The following EFCAB5 variants were observed in gnomAD, a reference collection of about 807,000 sequenced individuals.
EFCAB5 encodes the protein EF-hand calcium-binding domain-containing protein 5.
In EFCAB5, 131 loss-of-function variants were observed where a neutral mutation model predicts 167.9. That is an observed-to-expected ratio of 0.78 (90% confidence interval 0.68 to 0.90). EFCAB5 has a LOEUF of 0.90. EFCAB5 is among the 40% of genes least tolerant of loss of function. EFCAB5 has a pLI of 0.00. For synonymous variants in EFCAB5, 574 were observed against 602.8 expected (o/e 0.95, Z 0.70); for missense variants, 1,663 against 1,745.2 (o/e 0.95, Z 0.84).
intron 22 of EFCAB5, among the ~76,000 whole-genome samples, chr17:30,096,758 C>A (rs2071300240): frequency 7.0e-6 from 1 of 142,096 alleles, no homozygotes. Flanking sequence ...CAGCTCACTG[C>A]AACCTCTGAC....
chr17:29,992,698 C>T (rs2068447861), intron 4 of EFCAB5, among the ~76,000 whole-genome samples: 1 of 152,168 alleles, frequency 6.6e-6, no homozygotes, highest in Non-Finnish European at 1.5e-5. Flanking sequence ...TGTTGGAGGA[C>T]ACTTAGGTTG....
intron 3 of EFCAB5, among the ~76,000 whole-genome samples, chr17:29,947,689 C>G (rs551477962): frequency 2.0e-5 from 3 of 152,132 alleles, no homozygotes; most frequent in Non-Finnish European, 4.4e-5. Context: ...CTTTACTTAT[C>G]CTCTTCTACC....
chr17:29,954,575 A>G (rs1287722686), intron 3 of EFCAB5, among the ~76,000 whole-genome samples: 3 of 152,238 alleles, frequency 2.0e-5, no homozygotes, highest in Admixed American at 2.0e-4. Context: ...CTGGATGTCC[A>G]GGGAGAAGTT....
Position 29,969,362 on chromosome 17 carries a change from C to T in EFCAB5, c.762C>T (p.Cys254=), listed in dbSNP as rs1441571119. ...DLKIYVPDTI[C]NRVSKMKENV... ...AGATATATGTTCCTGACACTATCTG[C>T]AACAGGTACAATCTGTTATAGTTTC... is the stretch of plus-strand genomic sequence containing the variant. The change falls in exon 4 of 23, where the codon TGC becomes TGT. Residue 254 remains cysteine, a synonymous_variant. Coordinates refer to ENST00000394835, the MANE Select transcript of EFCAB5 (RefSeq NM_198529.4). The T allele has an allele frequency of 1.9e-6, 3 of 1,578,512 alleles. No homozygotes were observed. In the African/African-American group the frequency reaches 4.1e-5, roughly 22 times the overall value.
intron 7 of EFCAB5, among the ~76,000 whole-genome samples, chr17:30,004,901 G>A (rs1004790777): frequency 3.4e-5 from 5 of 146,046 alleles, no homozygotes; most frequent in African/African-American, 1.3e-4. Context: ...TCCCAAAGTT[G>A]TGGGATTACA....
At chr17:30,087,599 T>A (rs576256739) in intron 19 of EFCAB5, among the ~76,000 whole-genome samples, 1 of 152,182 alleles carries the variant, frequency 6.6e-6, no homozygotes, top group Non-Finnish European at 1.5e-5. Flanking sequence ...GTTCCATCCA[T>A]GTCCCTGCAA....
intron 4 of EFCAB5, among the ~76,000 whole-genome samples, chr17:29,991,250 C>T (rs952452811): frequency 1.3e-5 from 2 of 152,122 alleles, no homozygotes; most frequent in African/African-American, 2.4e-5. Context: ...CATGTATGGG[C>T]GCCATTTGCT....
intron 1 of EFCAB5, among the ~76,000 whole-genome samples, chr17:29,931,976 C>A (rs1460871159): frequency 6.6e-6 from 1 of 152,122 alleles, no homozygotes. Context: ...CCATAGGAAT[C>A]AGAAGACCTG....
chr17:29,937,592 T>G (rs2067256393), upstream of EFCAB5, among the ~76,000 whole-genome samples: 1 of 152,182 alleles, frequency 6.6e-6, no homozygotes, highest in African/African-American at 2.4e-5. Context: ...CTGGTGTGTT[T>G]GAAGGGAGTT....
intron 4 of EFCAB5, among the ~76,000 whole-genome samples, chr17:29,992,470 T>G (rs1001347691): frequency 6.6e-6 from 1 of 152,110 alleles, no homozygotes; most frequent in Non-Finnish European, 1.5e-5. Flanking sequence ...GCCTCAGCCT[T>G]ACGAGTAGCT....
At chr17:29,986,637 A>T (rs1356234600) in intron 4 of EFCAB5, among the ~76,000 whole-genome samples, 2,183 of 57,800 alleles carry the variant, frequency 0.038, 90 homozygotes, top group African/African-American at 0.13. Context: ...GAGTATATTC[A>T]TTTTTTTTTT....
intron 14 of EFCAB5, among the ~76,000 whole-genome samples, chr17:30,070,354 C>G (rs1459281276): frequency 6.6e-6 from 1 of 152,078 alleles, no homozygotes; most frequent in Non-Finnish European, 1.5e-5. Flanking sequence ...TTCTAAAATT[C>G]ATATGGTATC....
rs767286171 is a variant in EFCAB5, at chr17:30,044,236, A to C, written c.1201-6882A>C. On this transcript the variant is annotated intron_variant, in intron 8 of 22. Transcript: ENST00000394835. ...TAAATAATCATCAATTTTTCATGCAAACTGAAGCCACAGTGAGATAAAAAT... is the reference window on the plus strand; with the variant it reads ...TAAATAATCATCAATTTTTCATGCACACTGAAGCCACAGTGAGATAAAAAT... Among the ~76,000 whole-genome samples, 145 of 152,302 alleles carry C rather than the reference A, an allele frequency of 9.5e-4. 1 individual carries two copies. The highest frequency in any genetic ancestry group is 1.8e-3 in the Non-Finnish European group (121 of 68,024).
chr17:29,936,776 C>T (rs1397745749), upstream of EFCAB5, among the ~76,000 whole-genome samples: 2 of 152,184 alleles, frequency 1.3e-5, no homozygotes, highest in Non-Finnish European at 2.9e-5. Context: ...CTTCCTGCTC[C>T]TCGGATACAA....
intron 8 of EFCAB5, among the ~76,000 whole-genome samples, chr17:30,041,203 A>AAAAGAAAGAAGG: frequency 1.6e-5 from 1 of 64,338 alleles, no homozygotes; most frequent in Admixed American, 1.3e-4. Flanking sequence ...AGGAAGGAAG[A>AAAAGAAAGAAGG]AAGGAAAGAA....
chr17:30,036,201 ATATATATGTATAT>A (rs1224479802), intron 8 of EFCAB5, among the ~76,000 whole-genome samples: 2 of 140,558 alleles, frequency 1.4e-5, no homozygotes, highest in Non-Finnish European at 3.1e-5. Flanking sequence ...ATATCTTATA[ATATATATGTATAT>A]TATATATGCA....
intron 22 of EFCAB5, among the ~76,000 whole-genome samples, chr17:30,105,976 T>C (rs765846483): frequency 1.3e-5 from 2 of 152,166 alleles, no homozygotes; most frequent in Admixed American, 6.5e-5. Context: ...TTCCAAACCA[T>C]AGGACAGCTA....
intron 8 of EFCAB5, among the ~76,000 whole-genome samples, chr17:30,037,519 G>A (rs866815892): frequency 3.3e-5 from 5 of 152,098 alleles, no homozygotes; most frequent in East Asian, 1.9e-4. Flanking sequence ...AAATATGGGC[G>A]AAAGATATGA....
At chr17:30,002,860 T>G (rs1467657273) in intron 7 of EFCAB5, among the ~76,000 whole-genome samples, 3 of 152,200 alleles carry the variant, frequency 2.0e-5, no homozygotes, top group African/African-American at 7.2e-5. Context: ...TGAAAATTCT[T>G]CTATTTTAGC....
Sources: allele counts gnomAD v4.1 joint callset (sites outside exome capture counted in the v4.1 genomes callset), GRCh38; gene constraint gnomAD v4.1.1; transcripts MANE v1.5; gene names NCBI Gene and HGNC (gene_info 2026-07-23, HGNC 2026-07-21).